The following NRXN1 variants were observed in gnomAD, a reference collection of about 807,000 sequenced individuals.
NRXN1 encodes neurexin-1.
Under a neutral mutation model 150.9 loss-of-function variants are expected in NRXN1, and 39 were observed. The ratio of observed to expected loss-of-function variants is 0.26; its 90% CI spans 0.20 to 0.34. The LOEUF is 0.34. Ranked by LOEUF, NRXN1 falls within the 10% of genes least tolerant of loss-of-function variation. The probability of loss-of-function intolerance (pLI) is 1.00; values close to 1 mark genes in which losing one functional copy is unlikely to be tolerated. For missense variants in NRXN1, 1,815 were observed against 1,949.9 expected (o/e 0.93, Z 1.30); for synonymous variants, 924 against 757.0 (o/e 1.22, Z -3.62).
chr2:50,208,913 A>G (rs2062812652), intron 18 of NRXN1, among the ~76,000 whole-genome samples: 2 of 152,092 alleles, frequency 1.3e-5, no homozygotes, highest in Admixed American at 1.3e-4. Flanking sequence ...TCTCACACAA[A>G]CTACATATAA....
rs141080156 is a variant in NRXN1 at position 50,125,292 on chromosome 2, G to C, written c.3547-33798C>G. Among the ~76,000 whole-genome samples the C allele has an allele frequency of 9.0e-3, 1,376 of 152,178 alleles. 13 individuals are homozygous for C. The highest frequency in any genetic ancestry group is 0.078 in the Middle Eastern group (23 of 294). On this transcript the variant is annotated intron_variant, in intron 18 of 22. Transcript: ENST00000401669. ...AAGTAGCATTTGAATGTAAAAATTGGCACATTTGAATACAATCTATATAAT... is the reference window on the plus strand; with the variant it reads ...AAGTAGCATTTGAATGTAAAAATTGCCACATTTGAATACAATCTATATAAT...
At chr2:50,689,166 T>TA (rs922434077) in intron 5 of NRXN1, among the ~76,000 whole-genome samples, 12 of 152,054 alleles carry the variant, frequency 7.9e-5, no homozygotes, top group South Asian at 4.1e-4. Context: ...TTTGTTATAT[T>TA]AAAAAAACAA....
rs373966265 is a variant in NRXN1 at position 50,786,528 on chromosome 2, T to G, written c.832+135341A>C. Among the ~76,000 whole-genome samples, 28 of 152,222 alleles carry G rather than the reference T, an allele frequency of 1.8e-4. No individual in the cohort carries two copies. The East Asian group carries it at 5.0e-3, about 27-fold the overall frequency. On this transcript the variant is annotated intron_variant, in intron 5 of 22. Coordinates refer to ENST00000401669, the MANE Select transcript of NRXN1 (RefSeq NM_001330078.2). ...GAAGACTAATGATCCTTTCTTTATC[T>G]CTAAGCCATTATAGCGCCATCAAGT...
chr2:50,469,940 T>G (rs2089297742), intron 16 of NRXN1, among the ~76,000 whole-genome samples: 1 of 151,594 alleles, frequency 6.6e-6, no homozygotes, highest in Admixed American at 6.6e-5. Flanking sequence ...CAAACATCAT[T>G]ACTGCAAATG....
chr2:50,704,304 T>A lies in NRXN1; in HGVS notation c.833-80689A>T, dbSNP rs555895678. Among the ~76,000 whole-genome samples, 13 of 152,154 alleles carry A rather than the reference T, an allele frequency of 8.5e-5. No individual in the cohort carries two copies. The South Asian group carries it at 2.5e-3, about 29-fold the overall frequency. The stretch of plus-strand genomic sequence containing the variant: ...TCACAATTGGGTCAAGCACAATTTT[T>A]AAAAATATATATTATTCATCTTTAG... On this transcript the variant is annotated intron_variant, in intron 5 of 22. Coordinates refer to ENST00000401669, the MANE Select transcript of NRXN1 (RefSeq NM_001330078.2).
At chr2:50,487,033 G>C (rs1373509956) in intron 15 of NRXN1, among the ~76,000 whole-genome samples, 3 of 152,078 alleles carry the variant, frequency 2.0e-5, no homozygotes, top group African/African-American at 7.2e-5. Context: ...TATCATTATT[G>C]TTCTGGTGAG....
chr2:50,121,180 C>T (rs192738965), intron 18 of NRXN1, among the ~76,000 whole-genome samples: 3 of 152,198 alleles, frequency 2.0e-5, no homozygotes, highest in East Asian at 3.9e-4. Flanking sequence ...TGCCACCAAA[C>T]CTAGCTAATT....
chr2:50,355,687 A>C (rs2078752176), intron 17 of NRXN1, among the ~76,000 whole-genome samples: 2 of 152,196 alleles, frequency 1.3e-5, no homozygotes, highest in African/African-American at 4.8e-5. Context: ...CCCCATTGGA[A>C]AAATTTCTGA....
intron 18 of NRXN1, among the ~76,000 whole-genome samples, chr2:50,199,537 T>TACAC (rs67959182): frequency 0.045 from 6,780 of 149,386 alleles, 172 homozygotes; most frequent in Non-Finnish European, 0.051. Context: ...CTCTTTCTTA[T>TACAC]ACACACACAC....
At chr2:50,263,592 A>C (rs1226452549) in intron 17 of NRXN1, among the ~76,000 whole-genome samples, 2 of 152,108 alleles carry the variant, frequency 1.3e-5, no homozygotes, top group African/African-American at 4.8e-5. Context: ...GAAAGTACAA[A>C]ATTAAAAACA....
At chr2:50,397,691 G>A (rs942664264) in intron 17 of NRXN1, among the ~76,000 whole-genome samples, 1 of 151,980 alleles carries the variant, frequency 6.6e-6, no homozygotes, top group Non-Finnish European at 1.5e-5. Flanking sequence ...TTGTTTTCTG[G>A]CTACTGTCAG....
intron 22 of NRXN1, among the ~76,000 whole-genome samples, chr2:49,924,395 TAAGAA>T (rs1480177409): frequency 1.3e-5 from 2 of 152,206 alleles, no homozygotes; most frequent in African/African-American, 4.8e-5. Flanking sequence ...TTTTGTATAC[TAAGAA>T]TAGACATGTA....
intron 17 of NRXN1, among the ~76,000 whole-genome samples, chr2:50,374,206 G>A (rs923306007): frequency 3.3e-5 from 5 of 151,772 alleles, no homozygotes; most frequent in African/African-American, 9.7e-5. Context: ...GCTGAGGCAG[G>A]ATGATTGCTT....
At chr2:50,605,598 G>C (rs2103994625) in intron 8 of NRXN1, among the ~76,000 whole-genome samples, 1 of 152,246 alleles carries the variant, frequency 6.6e-6, no homozygotes, top group African/African-American at 2.4e-5. Flanking sequence ...CCTCATGCCT[G>C]TTAGGCTGGC....
intron 18 of NRXN1, among the ~76,000 whole-genome samples, chr2:50,226,032 G>T (rs2064341884): frequency 1.3e-5 from 2 of 151,850 alleles, no homozygotes; most frequent in Non-Finnish European, 2.9e-5. Context: ...GCCTGATGAG[G>T]GATTGTCTCC....
In NRXN1 at chr2:50,169,043, T is replaced by C. The variant is rs188376998; in HGVS notation, c.3546+67746A>G. Among the ~76,000 whole-genome samples, 857 of 152,282 alleles carry C rather than the reference T, an allele frequency of 5.6e-3. 4 individuals are homozygous for C. Among genetic ancestry groups the C allele is most frequent in the African/African-American group, 0.018 (763 of 41,564 alleles). On this transcript the variant is annotated intron_variant, in intron 18 of 22. Transcript: ENST00000401669. ...CTCATTAGAAGCAGAAGCAAACGTA[T>C]CACTGTAACATAATAATAGCTCATA...
chr2:50,673,314 C>T (rs780295252), intron 5 of NRXN1, among the ~76,000 whole-genome samples: 7 of 151,966 alleles, frequency 4.6e-5, no homozygotes, highest in Non-Finnish European at 5.9e-5. Context: ...ATTTTTTCTA[C>T]CAATACTAGC....
intron 17 of NRXN1, among the ~76,000 whole-genome samples, chr2:50,431,008 C>A (rs1411529485): frequency 4.6e-5 from 7 of 152,126 alleles, no homozygotes; most frequent in African/African-American, 1.4e-4. Context: ...TGCCACCATG[C>A]CTCAACCTCT....
intron 17 of NRXN1, among the ~76,000 whole-genome samples, chr2:50,310,951 A>C (rs1287903359): frequency 6.6e-6 from 1 of 152,200 alleles, no homozygotes; most frequent in African/African-American, 2.4e-5. Flanking sequence ...TATTTGAAGA[A>C]AACAAATGCA....
Sources: gnomAD v4.1 joint callset for allele counts (sites outside exome capture counted in the v4.1 genomes callset) on GRCh38, gnomAD v4.1.1 for gene constraint, MANE v1.5 for transcripts, NCBI Gene and HGNC (gene_info 2026-07-23, HGNC 2026-07-21) for gene names.